Variants in SEPSECS observed in about 807,000 individuals in gnomAD.
SEPSECS encodes the protein O-phosphoseryl-tRNA(Sec) selenium transferase.
In SEPSECS, 42 loss-of-function variants were observed where a neutral mutation model predicts 52.1. The ratio of observed to expected loss-of-function variants is 0.81; its 90% confidence interval spans 0.63 to 1.04. SEPSECS has a LOEUF of 1.04. Among genes scored for constraint, SEPSECS ranks in the 50% least tolerant of loss-of-function variants. The pLI is 0.00. For missense variants in SEPSECS, 590 were observed against 610.6 expected, an observed-to-expected ratio of 0.97 and a Z score of 0.36; for synonymous variants, 216 against 211.4, an observed-to-expected ratio of 1.02 and a Z score of -0.19.
chr4:25,147,435 T>A (rs1238584975), intron 6 of SEPSECS, among the ~76,000 whole-genome samples: 1 of 152,162 alleles, frequency 6.6e-6, no homozygotes, highest in African/African-American at 2.4e-5. Context: ...GACAATTGGG[T>A]TTGTGAATAA....
intron 8 of SEPSECS, among the ~76,000 whole-genome samples, chr4:25,143,917 G>GCTAT (rs1577617221): frequency 6.6e-6 from 1 of 152,216 alleles, no homozygotes; most frequent in East Asian, 1.9e-4. Context: ...GCCTGCCCTA[G>GCTAT]CTATACAAGC....
chr4:25,156,101 C>T lies in SEPSECS; in HGVS notation c.483G>A (p.Lys161=). 3 of 1,613,964 alleles carry T rather than the reference C, an allele frequency of 1.9e-6. No individual in the cohort carries two copies. Among genetic ancestry groups the T allele is most frequent in the Non-Finnish European group, 2.5e-6 (3 of 1,179,940 alleles). The change falls in exon 4 of 11, where the codon AAG becomes AAA. Residue 161 remains lysine (K), a synonymous_variant. Transcript: ENST00000382103. ...TTCGTGGCCATATAATATACTTTGC[C>T]TTTGGTCTTTTGTGTCGTAATGTTA... ...CFLTLRHKRP[K]AKYIIWPRID...
intron 3 of SEPSECS, 61 bp downstream of exon 3, chr4:25,156,795 A>G (rs769494723): frequency 5.2e-6 from 4 of 766,016 alleles, no homozygotes; most frequent in African/African-American, 5.2e-5. Flanking sequence ...AAATGAAATG[A>G]GTCAGTGGTG....
chr4:25,129,275 A>G (rs1312559739), intron 8 of SEPSECS, among the ~76,000 whole-genome samples: 1 of 152,120 alleles, frequency 6.6e-6, no homozygotes, highest in Non-Finnish European at 1.5e-5. Flanking sequence ...TTAAGGAGAC[A>G]AATGTCATTA....
Position 25,145,141 on chromosome 4 carries a change from C to A in SEPSECS, c.805-8G>T. ...TCTACCAACTCGAGCCCCCTGGAATCAATATGATATTACATATTAGTTGCT... is the reference window on the plus strand; with the variant it reads ...TCTACCAACTCGAGCCCCCTGGAATAAATATGATATTACATATTAGTTGCT... On this transcript the variant is annotated splice_polypyrimidine_tract_variant and splice_region_variant and intron_variant, in intron 6 of 10. Coordinates refer to ENST00000382103, the MANE Select transcript of SEPSECS (RefSeq NM_016955.4). 1 of 1,613,494 alleles carries A rather than the reference C, an allele frequency of 6.2e-7. No homozygotes were observed. The highest frequency in any genetic ancestry group is 1.1e-5 in the South Asian group (1 of 90,926).
chr4:25,132,109 C>T (rs532504991), intron 8 of SEPSECS, among the ~76,000 whole-genome samples: 2 of 152,302 alleles, frequency 1.3e-5, no homozygotes, highest in South Asian at 4.1e-4. Context: ...TCTCTCTGAT[C>T]CTTTCACCCT....
chr4:25,145,046 A>G lies in SEPSECS; in HGVS notation c.892T>C (p.Phe298Leu), dbSNP rs768032387. 2 of 1,614,006 alleles carry G rather than the reference A, an allele frequency of 1.2e-6. No individual in the cohort carries two copies. The highest frequency in any genetic ancestry group is 8.5e-7 in the Non-Finnish European group (1 of 1,179,940). Residue 298 changes from phenylalanine (F) to leucine (L), a missense_variant, in exon 7 of 11, where the codon TTT (phenylalanine) becomes CTT (leucine). Physicochemically the swap from Phe to Leu is conservative, Grantham distance 22 (BLOSUM62 0). Coordinates refer to ENST00000382103, the MANE Select transcript of SEPSECS (RefSeq NM_016955.4). ...VPVGGAIIAGFNDSFIQEISK... is the reference protein window; with the variant it reads ...VPVGGAIIAGLNDSFIQEISK... ...ATTTCCTGAATGAATGAATCATTAA[A>G]GCCAGCAATTATAGCACCACCTACT... is the stretch of plus-strand genomic sequence containing the variant.
intron 5 of SEPSECS, among the ~76,000 whole-genome samples, 161 bp from the exon 6 acceptor site, chr4:25,152,223 C>T (rs1289269096): frequency 6.6e-6 from 1 of 151,998 alleles, no homozygotes; most frequent in East Asian, 1.9e-4. Context: ...ACATGTAATT[C>T]AGCAGCTTGG....
upstream of SEPSECS, chr4:25,160,553 A>C (rs1350783119): frequency 2.3e-5 from 12 of 522,412 alleles, no homozygotes; most frequent in Non-Finnish European, 3.7e-5. Context: ...ACCTTCTCAG[A>C]TGGCGCTCCA....
At chr4:25,137,566 A>T (rs1199143650) in intron 8 of SEPSECS, among the ~76,000 whole-genome samples, 1 of 152,196 alleles carries the variant, frequency 6.6e-6, no homozygotes, top group African/African-American at 2.4e-5. Context: ...TCAAGAAACA[A>T]CAGATGCTGG....
At chr4:25,137,240 C>T (rs978116079) in intron 8 of SEPSECS, among the ~76,000 whole-genome samples, 11 of 152,098 alleles carry the variant, frequency 7.2e-5, no homozygotes, top group African/African-American at 2.4e-4. Flanking sequence ...TAAAGAGCTC[C>T]TGCACAGCAA....
chr4:25,125,721 A>C lies in SEPSECS; in HGVS notation c.1184T>G (p.Leu395Arg), dbSNP rs780338736. The change falls in exon 10 of 11, where the codon CTT becomes CGT. Residue 395 changes from leucine (L) to arginine (R), a missense_variant. Coordinates refer to ENST00000382103, the MANE Select transcript of SEPSECS (RefSeq NM_016955.4). ...GGCTCCAGAAACCTGTCTGGTAAAAAGCATCGAGCCAAGCTGAGTGACAGC... is the reference window on the plus strand; with the variant it reads ...GGCTCCAGAAACCTGTCTGGTAAAACGCATCGAGCCAAGCTGAGTGACAGC... ...DKAVTQLGSM[L>R]FTRQVSGARV... 1.2e-6 allele frequency: 2 copies of C among 1,612,966 alleles called. No individual in the cohort carries two copies. The highest frequency in any genetic ancestry group is 2.2e-5 in the South Asian group (2 of 90,958).
chr4:25,124,367 T>C (rs777002742), intron 10 of SEPSECS, 142 bp from the exon 11 acceptor site: 14 of 732,672 alleles, frequency 1.9e-5, no homozygotes, highest in Non-Finnish European at 3.2e-5. Flanking sequence ...CCTACAAAAA[T>C]AGACTGTATC....
intron 6 of SEPSECS, among the ~76,000 whole-genome samples, chr4:25,150,555 CATT>C (rs1325079788): frequency 6.6e-6 from 1 of 151,898 alleles, no homozygotes; most frequent in Non-Finnish European, 1.5e-5. Context: ...TAAGAAACAT[CATT>C]ATTTTATATG....
intron 6 of SEPSECS, among the ~76,000 whole-genome samples, chr4:25,148,284 C>T (rs1406811753): frequency 2.2e-5 from 3 of 133,636 alleles, no homozygotes; most frequent in Non-Finnish European, 4.6e-5. Context: ...ACCTGGGAGG[C>T]GGAGCTTGCA....
At chr4:25,148,598 C>CT (rs974043353) in intron 6 of SEPSECS, among the ~76,000 whole-genome samples, 3 of 152,060 alleles carry the variant, frequency 2.0e-5, no homozygotes, top group African/African-American at 4.8e-5. Flanking sequence ...TATATATTTG[C>CT]TTTTTTTGTT....
In SEPSECS at chr4:25,156,892, TA is replaced by T; in HGVS notation, c.351del (p.Thr118ProfsTer9). 1 of 1,610,390 alleles carries T rather than the reference TA, an allele frequency of 6.2e-7. No homozygotes were observed. Among genetic ancestry groups the T allele is most frequent in the Non-Finnish European group, 8.5e-7 (1 of 1,176,706 alleles). ...ATAATGTCCAGGACCAAAGAATTGG[TA>T]ATTTTGTTCAAAAGGCTAGAGCCTG... is the stretch of plus-strand genomic sequence containing the variant. ...KAAGSSLLNK[I>X]TNSLVLDIIK... On this transcript the variant is annotated frameshift_variant, in exon 3 of 11. Transcript: ENST00000382103. LOFTEE classifies it high-confidence loss of function.
chr4:25,146,909 G>A (rs1421226033), intron 6 of SEPSECS, among the ~76,000 whole-genome samples: 1 of 152,094 alleles, frequency 6.6e-6, no homozygotes, highest in East Asian at 1.9e-4. Flanking sequence ...CCTCCCTACA[G>A]TCTATTTCCC....
chr4:25,135,782 G>A (rs186539456), intron 8 of SEPSECS, among the ~76,000 whole-genome samples: 1 of 151,706 alleles, frequency 6.6e-6, no homozygotes, highest in Admixed American at 6.6e-5. Flanking sequence ...GATGAATATC[G>A]ACGCAAAAAT....
Sources: gnomAD v4.1 joint callset for allele counts (sites outside exome capture counted in the v4.1 genomes callset) on GRCh38, gnomAD v4.1.1 for gene constraint, MANE v1.5 for transcripts, NCBI Gene and HGNC (gene_info 2026-07-23, HGNC 2026-07-21) for gene names.